The following RANBP2 variants were observed in gnomAD, a reference collection of about 807,000 sequenced individuals.
The protein encoded by RANBP2 is RAN binding protein 2, also known as E3 SUMO-protein ligase RanBP2.
In RANBP2, 57 loss-of-function variants were observed where a neutral mutation model predicts 303.6. That is an observed-to-expected ratio of 0.19 (90% CI 0.15 to 0.23). The LOEUF (loss-of-function observed/expected upper bound fraction) is 0.23. RANBP2 is among the 10% of genes least tolerant of loss of function. RANBP2 has a pLI of 1.00. For missense variants in RANBP2, 3,138 were observed against 3,780.8 expected, an observed-to-expected ratio of 0.83 and a Z score of 4.46; for synonymous variants, 1,167 against 1,301.5, an observed-to-expected ratio of 0.90 and a Z score of 2.23.
the RANBP2 span, among the ~76,000 whole-genome samples, chr2:109,739,859 T>A: frequency 6.6e-6 from 1 of 150,810 alleles, no homozygotes; most frequent in Non-Finnish European, 1.5e-5. Context: ...TGTGAGTCTG[T>A]CATATATGGC....
At chr2:109,428,769 C>T in the RANBP2 span, among the ~76,000 whole-genome samples, 4 of 152,118 alleles carry the variant, frequency 2.6e-5, 1 homozygote, top group Middle Eastern at 6.3e-3. Context: ...TGGCTGGTCT[C>T]GAGTGTTATG....
At position 108,765,171 on chromosome 2, in the gene RANBP2, A is replaced by G; in HGVS notation, c.4632A>G (p.Glu1544=). The G allele has an allele frequency of 1.2e-6, 2 of 1,614,150 alleles. No homozygotes were observed. The highest frequency in any genetic ancestry group is 2.2e-5 in the South Asian group (2 of 91,082). The change falls in exon 20 of 29, where the codon GAA becomes GAG. Residue 1544 remains glutamate (E), a synonymous_variant. Coordinates refer to ENST00000283195, the MANE Select transcript of RANBP2 (RefSeq NM_006267.5). ...TTGAAGACATGTTTGCTAAGAAGGA[A>G]GGACAGTGGGATTGCAGTTCATGCT... ...SGFEDMFAKK[E]GQWDCSSCLV...
chr2:109,337,324 G>A, the RANBP2 span, among the ~76,000 whole-genome samples: 9 of 152,244 alleles, frequency 5.9e-5, no homozygotes, highest in Non-Finnish European at 8.8e-5. Context: ...GGTGCAGGGT[G>A]CATCGGGCTG....
the RANBP2 span, among the ~76,000 whole-genome samples, chr2:109,320,467 C>T: frequency 3.9e-5 from 6 of 152,318 alleles, no homozygotes; most frequent in African/African-American, 1.4e-4. Context: ...ACAACTTCCT[C>T]CTCACGTCTT....
At chr2:109,073,544 C>A in the RANBP2 span, among the ~76,000 whole-genome samples, 1 of 149,344 alleles carries the variant, frequency 6.7e-6, no homozygotes, top group South Asian at 2.1e-4. Context: ...TGGCACGCAC[C>A]TGTAATCCCA....
At chr2:109,675,316 T>C in the RANBP2 span, among the ~76,000 whole-genome samples, 1 of 152,194 alleles carries the variant, frequency 6.6e-6, no homozygotes, top group African/African-American at 2.4e-5. Context: ...AAGTTCTTCC[T>C]GGTATACTAA....
chr2:108,951,239 A>G, the RANBP2 span, among the ~76,000 whole-genome samples: 1 of 152,162 alleles, frequency 6.6e-6, no homozygotes, highest in African/African-American at 2.4e-5. Context: ...AAGGGTCTCA[A>G]TATCGGTCTT....
At chr2:109,520,432 T>C in the RANBP2 span, among the ~76,000 whole-genome samples, 1 of 151,092 alleles carries the variant, frequency 6.6e-6, no homozygotes, top group Non-Finnish European at 1.5e-5. Flanking sequence ...GAAACCTGTC[T>C]CTACTAAAAA....
the RANBP2 span, among the ~76,000 whole-genome samples, chr2:108,920,905 G>T: frequency 1.3e-5 from 2 of 152,140 alleles, no homozygotes; most frequent in African/African-American, 4.8e-5. Flanking sequence ...GGCAGGAGAG[G>T]ACATGAGGCT....
the RANBP2 span, among the ~76,000 whole-genome samples, chr2:109,046,556 G>A: frequency 4.6e-5 from 7 of 150,684 alleles, no homozygotes; most frequent in South Asian, 2.1e-4. Context: ...AGAGGTGCCC[G>A]CCACCACACC....
the RANBP2 span, among the ~76,000 whole-genome samples, chr2:109,477,296 G>A: frequency 6.6e-6 from 1 of 152,220 alleles, no homozygotes; most frequent in Non-Finnish European, 1.5e-5. Flanking sequence ...CACAGGCACA[G>A]CCTTCACGCC....
At chr2:109,576,411 A>T in the RANBP2 span, among the ~76,000 whole-genome samples, 1 of 151,814 alleles carries the variant, frequency 6.6e-6, no homozygotes, top group African/African-American at 2.4e-5. Flanking sequence ...AAAAAATGAT[A>T]TTTTTTTTAA....
At chr2:109,641,226 T>A in the RANBP2 span, among the ~76,000 whole-genome samples, 1 of 151,946 alleles carries the variant, frequency 6.6e-6, no homozygotes, top group South Asian at 2.1e-4. Context: ...GCAACCTCTG[T>A]CTCCCAGGTT....
chr2:109,681,838 G>A, the RANBP2 span, among the ~76,000 whole-genome samples: 8 of 152,256 alleles, frequency 5.3e-5, no homozygotes, highest in Non-Finnish European at 8.8e-5. Context: ...GGGCCAAGAG[G>A]CTCTTCCCGC....
At chr2:109,178,855 A>G in the RANBP2 span, among the ~76,000 whole-genome samples, 1 of 152,232 alleles carries the variant, frequency 6.6e-6, no homozygotes, top group Non-Finnish European at 1.5e-5. Context: ...TATTCACTGA[A>G]TTAATAAATG....
At chr2:109,120,865 C>T in the RANBP2 span, among the ~76,000 whole-genome samples, 1 of 152,082 alleles carries the variant, frequency 6.6e-6, no homozygotes, top group Non-Finnish European at 1.5e-5. Context: ...CTTCCTGGTA[C>T]AGAGAAGCCC....
chr2:108,959,596 G>A, the RANBP2 span, among the ~76,000 whole-genome samples: 475 of 152,274 alleles, frequency 3.1e-3, 8 homozygotes, highest in Non-Finnish European at 1.2e-3. Flanking sequence ...GGGGAGCTGG[G>A]GCCTCACACA....
the RANBP2 span, among the ~76,000 whole-genome samples, chr2:109,556,218 A>G: frequency 1.3e-5 from 2 of 152,222 alleles, no homozygotes; most frequent in South Asian, 2.1e-4. Flanking sequence ...AAGCCTTCTT[A>G]TATGTCAGAA....
At chr2:109,691,637 C>G in the RANBP2 span, among the ~76,000 whole-genome samples, 1 of 152,028 alleles carries the variant, frequency 6.6e-6, no homozygotes, top group African/African-American at 2.4e-5. Context: ...CCTTCTGCCC[C>G]CAGAAGGGGT....
Sources: gnomAD v4.1 joint callset for allele counts (sites outside exome capture counted in the v4.1 genomes callset) on GRCh38, gnomAD v4.1.1 for gene constraint, MANE v1.5 for transcripts, NCBI Gene and HGNC (gene_info 2026-07-23, HGNC 2026-07-21) for gene names.